CELF1: variants seen among roughly 807,000 people sequenced by gnomAD.
The protein encoded by CELF1 is CUGBP Elav-like family member 1, also known as 50 kDa nuclear polyadenylated RNA-binding protein.
CELF1 carries 10 observed loss-of-function variants against 61.8 expected under a neutral mutation model. The observed-to-expected ratio is 0.16, with a 90% CI of 0.10 to 0.27. The LOEUF (loss-of-function observed/expected upper bound fraction) is 0.27, where lower values mean the gene tolerates loss of function less well. Ranked by LOEUF, CELF1 falls within the 10% of genes least tolerant of loss-of-function variation. The pLI is 1.00. For missense variants in CELF1, 380 were observed against 639.1 expected, an observed-to-expected ratio of 0.59 and a Z score of 4.37; for synonymous variants, 236 against 225.1, an observed-to-expected ratio of 1.05 and a Z score of -0.43.
At chr11:47,544,677 C>T (rs183032853) in intron 1 of CELF1, among the ~76,000 whole-genome samples, 28 of 152,248 alleles carry the variant, frequency 1.8e-4, no homozygotes, top group East Asian at 1.7e-3. Context: ...TTCTAGTATA[C>T]GTGTTCTGGT....
intron 1 of CELF1, among the ~76,000 whole-genome samples, chr11:47,519,522 A>C (rs2095755581): frequency 7.0e-6 from 1 of 142,710 alleles, no homozygotes; most frequent in African/African-American, 2.5e-5. Context: ...TAAATAAATA[A>C]ATAAGGTACT....
intron 1 of CELF1, among the ~76,000 whole-genome samples, chr11:47,537,836 T>C (rs575370639): frequency 2.0e-5 from 3 of 152,248 alleles, no homozygotes; most frequent in South Asian, 4.2e-4. Flanking sequence ...ACTGTAAAAT[T>C]TCCTCTATGC....
At chr11:47,491,256 A>T (rs71475920) in intron 3 of CELF1, among the ~76,000 whole-genome samples, 5 of 65,684 alleles carry the variant, frequency 7.6e-5, no homozygotes, top group Admixed American at 3.4e-4. Context: ...TCCACCTCCC[A>T]GGTTCAAGTG....
chr11:47,558,183 A>G (rs956239560), intron 2 of CELF1, among the ~76,000 whole-genome samples: 1 of 151,978 alleles, frequency 6.6e-6, no homozygotes, highest in African/African-American at 2.4e-5. Flanking sequence ...AGGCCTGGTT[A>G]CATTCAGGCG....
At chr11:47,545,849 A>ACG (rs2096920268) in intron 1 of CELF1, among the ~76,000 whole-genome samples, 1 of 138,056 alleles carries the variant, frequency 7.2e-6, no homozygotes, top group Non-Finnish European at 1.6e-5. Flanking sequence ...TCATATGTAT[A>ACG]CGTGTGTGTG....
intron 1 of CELF1, among the ~76,000 whole-genome samples, chr11:47,505,537 G>C (rs1034027137): frequency 6.6e-6 from 1 of 150,750 alleles, no homozygotes; most frequent in African/African-American, 2.4e-5. Context: ...CAGCTACTCA[G>C]GAGACTGAGG....
At chr11:47,482,207 A>AAAAT (rs55860292) in intron 9 of CELF1, among the ~76,000 whole-genome samples, 55,275 of 150,152 alleles carry the variant, frequency 0.37, 11,412 homozygotes, top group South Asian at 0.53. Context: ...TCCGTCTCAA[A>AAAAT]AAATAAATAA....
At chr11:47,519,138 T>G (rs758700101) in intron 1 of CELF1, among the ~76,000 whole-genome samples, 1 of 152,178 alleles carries the variant, frequency 6.6e-6, no homozygotes, top group Non-Finnish European at 1.5e-5. Context: ...CAAAGCTTGA[T>G]TCACCCTAAA....
At chr11:47,565,130 C>T (rs2097240835) in intron 1 of CELF1, 1 of 149,994 alleles carries the variant, frequency 6.7e-6, no homozygotes, top group East Asian at 2.0e-4. Context: ...ACAGCCTCTC[C>T]TTGTCTTGTC....
chr11:47,477,472 A>G (rs764592886), intron 10 of CELF1, 47 bp from the exon 11 acceptor site: 7 of 1,600,494 alleles, frequency 4.4e-6, no homozygotes, highest in Non-Finnish European at 5.1e-6. Flanking sequence ...AGGGTGCTTC[A>G]TATCCATTCC....
rs564677728 is a variant in CELF1 at position 47,550,051 on chromosome 11, G to A, written c.-154+2941C>T. Among the ~76,000 whole-genome samples, 12 of 151,798 alleles carry A rather than the reference G, an allele frequency of 7.9e-5. No individual in the cohort carries two copies. The South Asian group carries it at 2.3e-3, about 29-fold the overall frequency. On this transcript the variant is annotated intron_variant, in intron 1 of 14. Coordinates refer to ENST00000687097, the MANE Select transcript of CELF1 (RefSeq NM_001376376.1). ...AGGCTGGTCTCGAACTCCTGACCTC[G>A]TGATCCGCCCACCTCAGCCTCCCAA... is the stretch of plus-strand genomic sequence containing the variant.
chr11:47,488,090 C>A (rs1234829442), intron 4 of CELF1, among the ~76,000 whole-genome samples: 1 of 152,190 alleles, frequency 6.6e-6, no homozygotes, highest in African/African-American at 2.4e-5. Context: ...AGATCCTCTG[C>A]TATTAAGCTA....
At chr11:47,484,272 A>C in intron 7 of CELF1, 117 bp downstream of exon 7, 1 of 1,067,318 alleles carries the variant, frequency 9.4e-7, no homozygotes, top group South Asian at 1.5e-5. Context: ...TTGTGAAGGC[A>C]CCACTGCACT....
At chr11:47,475,284 A>G in intron 13 of CELF1, 52 bp downstream of exon 13, 6 of 1,570,544 alleles carry the variant, frequency 3.8e-6, no homozygotes, top group Non-Finnish European at 3.5e-6. Flanking sequence ...CCGTTCTGGT[A>G]TAGGAGGAAA....
chr11:47,485,275 G>A (rs2086047596), intron 6 of CELF1, among the ~76,000 whole-genome samples: 1 of 152,062 alleles, frequency 6.6e-6, no homozygotes, highest in African/African-American at 2.4e-5. Flanking sequence ...TGACCTGCCG[G>A]GTTTAAGCAA....
intron 1 of CELF1, among the ~76,000 whole-genome samples, chr11:47,540,866 CAG>C (rs1014664147): frequency 6.6e-6 from 1 of 151,348 alleles, no homozygotes; most frequent in Non-Finnish European, 1.5e-5. Flanking sequence ...GCCTGGGCGA[CAG>C]AGAGAGACTC....
intron 1 of CELF1, among the ~76,000 whole-genome samples, chr11:47,518,614 T>C (rs925650656): frequency 1.3e-5 from 2 of 152,196 alleles, no homozygotes; most frequent in African/African-American, 4.8e-5. Flanking sequence ...TGTCTCTCTC[T>C]CCCTTATCTC....
intron 3 of CELF1, among the ~76,000 whole-genome samples, chr11:47,498,205 A>G (rs1446083173): frequency 6.6e-6 from 1 of 152,074 alleles, no homozygotes; most frequent in East Asian, 1.9e-4. Flanking sequence ...CCAGGAGTTC[A>G]AGACCAGCCT....
Position 47,471,075 on chromosome 11 carries a change from C to T in CELF1, c.*1155G>A, listed in dbSNP as rs971474939. On this transcript the variant is annotated 3_prime_UTR_variant, in exon 15 of 15. Transcript: ENST00000687097. ...CTGCCAGACCCCTGTGGGAATACTACATCTGGGACACCTCAATCAAGGAGG... is the reference window on the plus strand; with the variant it reads ...CTGCCAGACCCCTGTGGGAATACTATATCTGGGACACCTCAATCAAGGAGG... 3.3e-5 allele frequency: 5 copies of T among 152,206 alleles called. No individual in the cohort carries two copies. Among genetic ancestry groups the T allele is most frequent in the Non-Finnish European group, 7.3e-5 (5 of 68,058 alleles). 9.4% of individuals were successfully genotyped at this position (152,206 alleles called of 1,614,324 possible).
Sources: gnomAD v4.1 joint callset for allele counts (sites outside exome capture counted in the v4.1 genomes callset) on GRCh38, gnomAD v4.1.1 for gene constraint, MANE v1.5 for transcripts, NCBI Gene and HGNC (gene_info 2026-07-23, HGNC 2026-07-21) for gene names.